CRPPA: variants seen among roughly 807,000 people sequenced by gnomAD.
The protein encoded by CRPPA is D-ribitol-5-phosphate cytidylyltransferase.
CRPPA carries 43 observed loss-of-function variants against 52.0 expected under a neutral mutation model. That is an observed-to-expected ratio of 0.83 (90% CI 0.65 to 1.07). The LOEUF (loss-of-function observed/expected upper bound fraction) is 1.07. Among genes scored for constraint, CRPPA ranks in the 50% least tolerant of loss-of-function variants. The pLI, the probability that CRPPA is intolerant of heterozygous loss-of-function variation, is 0.00. For synonymous variants in CRPPA, 250 were observed against 203.5 expected, an observed-to-expected ratio of 1.23 and a Z score of -1.94; for missense variants, 629 against 551.7, an observed-to-expected ratio of 1.14 and a Z score of -1.40.
intron 3 of CRPPA, among the ~76,000 whole-genome samples, chr7:16,345,870 G>A (rs1290249616): frequency 6.6e-6 from 1 of 152,120 alleles, no homozygotes; most frequent in Non-Finnish European, 1.5e-5. Flanking sequence ...ATCCTCCAGA[G>A]TCCAAATGAT....
chr7:16,186,531 A>G (rs1026757028), intron 9 of CRPPA, among the ~76,000 whole-genome samples: 2 of 152,198 alleles, frequency 1.3e-5, no homozygotes, highest in African/African-American at 4.8e-5. Flanking sequence ...GAAATTTGTT[A>G]TAGCAACCTA....
intron 9 of CRPPA, among the ~76,000 whole-genome samples, chr7:16,147,472 T>C (rs1782996730): frequency 1.3e-5 from 2 of 152,230 alleles, no homozygotes; most frequent in South Asian, 4.1e-4. Flanking sequence ...AATCCTTTGT[T>C]GAATGCCTCT....
At chr7:16,107,111 G>A (rs1338141210) in intron 9 of CRPPA, among the ~76,000 whole-genome samples, 1 of 151,874 alleles carries the variant, frequency 6.6e-6, no homozygotes, top group Non-Finnish European at 1.5e-5. Context: ...AAGGCTATAG[G>A]AATTAAGGGA....
intron 4 of CRPPA, among the ~76,000 whole-genome samples, chr7:16,304,602 C>G (rs1278388219): frequency 6.6e-6 from 1 of 152,086 alleles, no homozygotes; most frequent in Non-Finnish European, 1.5e-5. Context: ...GATCTTGCCA[C>G]TGCACTCCAG....
chr7:16,339,106 C>G (rs1215252900), intron 3 of CRPPA, among the ~76,000 whole-genome samples: 1 of 152,060 alleles, frequency 6.6e-6, no homozygotes, highest in Non-Finnish European at 1.5e-5. Context: ...TACCCGGCCT[C>G]TAGCAAACTT....
chr7:16,229,613 T>A (rs1045170018), intron 8 of CRPPA, among the ~76,000 whole-genome samples: 4 of 152,130 alleles, frequency 2.6e-5, no homozygotes, highest in Admixed American at 2.6e-4. Context: ...TCCTTAAATT[T>A]GTTACTATTT....
intron 5 of CRPPA, among the ~76,000 whole-genome samples, chr7:16,282,001 G>A (rs1784330881): frequency 6.6e-6 from 1 of 151,968 alleles, no homozygotes; most frequent in Non-Finnish European, 1.5e-5. Flanking sequence ...TGTCATCCGA[G>A]GAAATCATGA....
rs534835451 is a variant in CRPPA, at chr7:16,213,086, G to T, written c.1251+2980C>A. Among the ~76,000 whole-genome samples, 5 of 152,180 alleles carry T rather than the reference G, an allele frequency of 3.3e-5. No individual in the cohort carries two copies. In the South Asian group the frequency reaches 1.0e-3, roughly 32 times the overall value. ...TTTGCATTAAAAAGTCATTATAGAG[G>T]TATTTTCACATTTCAACAAAATTAA... On this transcript the variant is annotated intron_variant, in intron 9 of 9. Coordinates refer to ENST00000407010, the MANE Select transcript of CRPPA (RefSeq NM_001101426.4).
intron 5 of CRPPA, among the ~76,000 whole-genome samples, chr7:16,279,108 T>C (rs1411026472): frequency 1.3e-5 from 2 of 152,122 alleles, no homozygotes; most frequent in Non-Finnish European, 2.9e-5. Context: ...ATATCATGGA[T>C]AAAGAAAACA....
chr7:16,122,460 T>G (rs1432626729), intron 9 of CRPPA, among the ~76,000 whole-genome samples: 2 of 151,954 alleles, frequency 1.3e-5, no homozygotes, highest in Non-Finnish European at 2.9e-5. Flanking sequence ...TATAAGACAA[T>G]TAAAAGTCAA....
At chr7:16,389,229 A>C (rs1164525170) in intron 2 of CRPPA, among the ~76,000 whole-genome samples, 1 of 152,222 alleles carries the variant, frequency 6.6e-6, no homozygotes, top group African/African-American at 2.4e-5. Context: ...AAAATAGAGA[A>C]TGCTTCCCAA....
chr7:16,252,094 T>C (rs191017499), intron 8 of CRPPA, among the ~76,000 whole-genome samples: 17 of 152,006 alleles, frequency 1.1e-4, no homozygotes, highest in East Asian at 5.8e-4. Flanking sequence ...TGACAGAGAC[T>C]CAACAAAAAG....
Position 16,421,267 on chromosome 7 carries a change from C to T in CRPPA, c.56G>A (p.Ser19Asn). The T allele has an allele frequency of 2.3e-6, 3 of 1,307,118 alleles. No individual in the cohort carries two copies. Among genetic ancestry groups the T allele is most frequent in the Non-Finnish European group, 2.0e-6 (2 of 1,021,288 alleles). 81.0% of individuals were successfully genotyped at this position (1,307,118 alleles called of 1,614,324 possible). ...CGTGTGGTCCGCGCCGCGCTGACCA[C>T]TCAGGCAAGGACCCGGCTCCGCCGG... ...ARPAEPGPCL[S>N]GQRGADHTAS... Residue 19 changes from serine (S) to asparagine (N), a missense_variant, in exon 1 of 10, where the codon AGT becomes AAT. By Grantham distance (46) the Ser-to-Asn change is conservative (BLOSUM62 1). Transcript: ENST00000407010.
At chr7:16,336,260 A>G (rs1785676677) in intron 3 of CRPPA, among the ~76,000 whole-genome samples, 2 of 152,190 alleles carry the variant, frequency 1.3e-5, no homozygotes, top group Admixed American at 1.3e-4. Flanking sequence ...CCCTTTTAAA[A>G]GAGTTAAAAG....
chr7:16,414,531 G>T (rs1030521712), intron 1 of CRPPA, among the ~76,000 whole-genome samples: 1 of 152,128 alleles, frequency 6.6e-6, no homozygotes, highest in African/African-American at 2.4e-5. Context: ...TTGATAAATT[G>T]TGAGTGAATG....
chr7:16,126,124 A>G (rs547826716), intron 9 of CRPPA, among the ~76,000 whole-genome samples: 4 of 152,276 alleles, frequency 2.6e-5, no homozygotes, highest in Middle Eastern at 3.4e-3. Flanking sequence ...GGCGGGCAGG[A>G]ATCAAGAAGC....
chr7:16,246,697 A>G (rs1296741756), intron 8 of CRPPA, among the ~76,000 whole-genome samples: 1 of 152,238 alleles, frequency 6.6e-6, no homozygotes, highest in Admixed American at 6.5e-5. Context: ...TACATTGTCA[A>G]TAAGCAGTAA....
chr7:16,412,193 G>T (rs756634335), intron 1 of CRPPA, among the ~76,000 whole-genome samples: 1 of 152,064 alleles, frequency 6.6e-6, no homozygotes, highest in Admixed American at 6.6e-5. Context: ...ACAGAAAATG[G>T]CATTTTAAAC....
intron 9 of CRPPA, among the ~76,000 whole-genome samples, chr7:16,160,855 T>C (rs1783288292): frequency 6.6e-6 from 1 of 152,210 alleles, no homozygotes; most frequent in Non-Finnish European, 1.5e-5. Flanking sequence ...TGGCTTGTAG[T>C]TCTCCTTGAA....
Sources: allele counts gnomAD v4.1 joint callset (sites outside exome capture counted in the v4.1 genomes callset), GRCh38; gene constraint gnomAD v4.1.1; transcripts MANE v1.5; gene names NCBI Gene and HGNC (gene_info 2026-07-23, HGNC 2026-07-21).